SNX24: variants seen among roughly 807,000 people sequenced by gnomAD.
SNX24 encodes sorting nexin-24.
Under a neutral mutation model 28.7 loss-of-function variants are expected in SNX24, and 22 were observed. That is an observed-to-expected ratio of 0.77 (90% confidence interval 0.55 to 1.10). The LOEUF is 1.10. SNX24 is among the 50% of genes least tolerant of loss of function. SNX24 has a pLI of 0.00. For synonymous variants in SNX24, 69 were observed against 71.5 expected (o/e 0.96, Z 0.18); for missense variants, 221 against 201.1 (o/e 1.10, Z -0.60).
At chr5:122,951,979 A>G (rs1038879084) in intron 3 of SNX24, among the ~76,000 whole-genome samples, 12 of 152,262 alleles carry the variant, frequency 7.9e-5, no homozygotes, top group African/African-American at 2.9e-4. Context: ...GAGTGCTGGC[A>G]TGACGCCACA....
intron 1 of SNX24, among the ~76,000 whole-genome samples, chr5:122,913,088 A>C (rs1448165484): frequency 6.6e-6 from 1 of 152,224 alleles, no homozygotes; most frequent in African/African-American, 2.4e-5. Context: ...TACAGAACAA[A>C]ATGAAAAGTC....
intron 1 of SNX24, among the ~76,000 whole-genome samples, chr5:122,919,731 T>C (rs1758337604): frequency 6.6e-6 from 1 of 152,304 alleles, no homozygotes; most frequent in South Asian, 2.1e-4. Flanking sequence ...AGAGAGACAG[T>C]GTGTTTTTGC....
chr5:122,952,907 T>C (rs899959019), intron 3 of SNX24, among the ~76,000 whole-genome samples: 1 of 151,998 alleles, frequency 6.6e-6, no homozygotes, highest in Non-Finnish European at 1.5e-5. Context: ...ACAAAAGACA[T>C]AGAGGACCAA....
intron 1 of SNX24, among the ~76,000 whole-genome samples, chr5:122,885,056 G>C (rs1756647447): frequency 1.3e-5 from 2 of 152,174 alleles, no homozygotes; most frequent in Admixed American, 6.5e-5. Context: ...AAGTAAACAA[G>C]TCAAATCTTG....
At chr5:122,966,830 T>C (rs1760733516) in intron 3 of SNX24, among the ~76,000 whole-genome samples, 1 of 152,194 alleles carries the variant, frequency 6.6e-6, no homozygotes, top group Non-Finnish European at 1.5e-5. Flanking sequence ...TCCTAAAATA[T>C]AACAGGCATA....
intron 1 of SNX24, 134 bp from the exon 2 acceptor site, chr5:122,936,600 C>T (rs2150116768): frequency 4.0e-6 from 2 of 504,286 alleles, no homozygotes; most frequent in Non-Finnish European, 3.6e-6. Context: ...GCCAGGGTGT[C>T]CTGAGCCTTC....
rs529122248 is a variant in SNX24 at position 123,021,175 on chromosome 5, A to G, written n.384-8063A>G. On this transcript the variant is annotated intron_variant and non_coding_transcript_variant, in intron 5 of 5. Coordinates refer to the SNX24 transcript ENST00000502387. ...CCCGCTGACCACCCCTTCACTGTCTATTCGCTTTCTCTGACTTCACTGACT... is the reference window on the plus strand; with the variant it reads ...CCCGCTGACCACCCCTTCACTGTCTGTTCGCTTTCTCTGACTTCACTGACT... Among the ~76,000 whole-genome samples the G allele has an allele frequency of 1.5e-3, 218 of 145,110 alleles. 1 individual carries two copies. The highest frequency in any genetic ancestry group is 5.6e-3 in the African/African-American group (215 of 38,242).
At position 122,848,410 on chromosome 5, in the gene SNX24, A is replaced by C. The variant is rs116474371; in HGVS notation, c.60+2717A>C. ...TGAGCCCGACCTGTGTTTGTGTTTA[A>C]AATTTAAAACGGCCGGGGCGTGGTG... is the stretch of plus-strand genomic sequence containing the variant. On this transcript the variant is annotated intron_variant, in intron 1 of 6. Transcript: ENST00000261369. Among the ~76,000 whole-genome samples the C allele has an allele frequency of 7.3e-3, 1,106 of 152,116 alleles. 13 individuals carry two copies. Among genetic ancestry groups the C allele is most frequent in the African/African-American group, 0.025 (1,027 of 41,498 alleles).
At chr5:122,902,517 C>T (rs1457387570) in intron 1 of SNX24, among the ~76,000 whole-genome samples, 1 of 152,176 alleles carries the variant, frequency 6.6e-6, no homozygotes, top group African/African-American at 2.4e-5. Context: ...TAACACCTCC[C>T]CTCTAACAAC....
At chr5:123,024,468 T>C (rs1460068542) in intron 5 of SNX24, among the ~76,000 whole-genome samples, 2 of 152,162 alleles carry the variant, frequency 1.3e-5, no homozygotes, top group Non-Finnish European at 2.9e-5. Flanking sequence ...TCTAGGTTTG[T>C]CCATTTTAAA....
At chr5:122,994,958 C>A (rs1762000397) in intron 3 of SNX24, among the ~76,000 whole-genome samples, 1 of 152,158 alleles carries the variant, frequency 6.6e-6, no homozygotes, top group Admixed American at 6.5e-5. Context: ...CTGTCACACA[C>A]CTGTAACAGT....
chr5:122,968,885 C>T (rs749033532), intron 3 of SNX24, among the ~76,000 whole-genome samples: 4 of 151,504 alleles, frequency 2.6e-5, no homozygotes, highest in South Asian at 2.1e-4. Context: ...GTGTTTTATA[C>T]GGTATCTAGT....
chr5:122,987,034 CAGG>C (rs1205808906), intron 3 of SNX24, among the ~76,000 whole-genome samples: 2 of 152,042 alleles, frequency 1.3e-5, no homozygotes, highest in African/African-American at 4.8e-5. Context: ...TCCGCTATAG[CAGG>C]AGGAGGAGAA....
At chr5:122,858,519 T>C (rs1391226145) in intron 1 of SNX24, among the ~76,000 whole-genome samples, 1 of 152,230 alleles carries the variant, frequency 6.6e-6, no homozygotes, top group Non-Finnish European at 1.5e-5. Flanking sequence ...TCAATGAGTC[T>C]TTAGAATAAA....
chr5:123,023,019 T>TCA (rs1762785193), intron 5 of SNX24, among the ~76,000 whole-genome samples: 1 of 152,166 alleles, frequency 6.6e-6, no homozygotes, highest in African/African-American at 2.4e-5. Flanking sequence ...CAGGCTGGTC[T>TCA]CAAACTCCTG....
At chr5:122,871,011 G>T (rs183577492) in intron 1 of SNX24, among the ~76,000 whole-genome samples, 2 of 152,296 alleles carry the variant, frequency 1.3e-5, no homozygotes, top group Non-Finnish European at 1.5e-5. Context: ...GAATCTGATG[G>T]TCTTGGGGTA....
At chr5:122,962,362 C>T (rs1346848988) in intron 3 of SNX24, among the ~76,000 whole-genome samples, 1 of 152,102 alleles carries the variant, frequency 6.6e-6, no homozygotes, top group African/African-American at 2.4e-5. Flanking sequence ...ACATGCTTTC[C>T]ATTGATCTCA....
intron 1 of SNX24, among the ~76,000 whole-genome samples, chr5:122,859,949 TAA>T (rs1452824052): frequency 6.6e-6 from 1 of 152,196 alleles, no homozygotes. Context: ...CAGGTTAAGA[TAA>T]AGATTGTAGA....
At chr5:122,847,105 C>T (rs1051276502) in intron 1 of SNX24, among the ~76,000 whole-genome samples, 27 of 152,000 alleles carry the variant, frequency 1.8e-4, no homozygotes, top group African/African-American at 6.5e-4. Flanking sequence ...CATTTAGGAT[C>T]TGAAGATAAA....
Sources: allele counts gnomAD v4.1 joint callset (sites outside exome capture counted in the v4.1 genomes callset), GRCh38; gene constraint gnomAD v4.1.1; transcripts MANE v1.5; gene names NCBI Gene and HGNC (gene_info 2026-07-23, HGNC 2026-07-21).